The following KIR3DL2 variants were observed in gnomAD, a reference collection of about 807,000 sequenced individuals.
KIR3DL2 encodes the protein killer cell immunoglobulin-like receptor 3DL2.
KIR3DL2 carries 42 observed loss-of-function variants against 41.6 expected under a neutral mutation model. That is an observed-to-expected ratio of 1.01 (90% CI 0.79 to 1.31). The LOEUF is 1.31. KIR3DL2 is among the 50% of genes most tolerant of loss of function. The pLI, the probability that KIR3DL2 is intolerant of heterozygous loss-of-function variation, is 0.00. For missense variants in KIR3DL2, 728 were observed against 576.8 expected, an observed-to-expected ratio of 1.26 and a Z score of -2.68; for synonymous variants, 230 against 221.3, an observed-to-expected ratio of 1.04 and a Z score of -0.35.
chr19:54,851,043 C>G lies in KIR3DL2; in HGVS notation c.35-177C>G, dbSNP rs541749979. Among the ~76,000 whole-genome samples the G allele has an allele frequency of 5.7e-4, 81 of 141,254 alleles. 2 individuals carry two copies. The highest frequency in any genetic ancestry group is 2.0e-3 in the African/African-American group (76 of 37,962). The allele number at this position is 141,254 out of a possible 152,430, so 92.7% of individuals were successfully genotyped here. A position where few individuals can be genotyped will look rare whatever the true frequency, so the allele number is the denominator to read the frequency against. ...TGGGCCAGGAAGTGTTGATCTGGGC[C>G]TGGAGCCTGGGTCTCTCCACAGCTG... On this transcript the variant is annotated intron_variant, in intron 1 of 8. Transcript: ENST00000326321.
chr19:54,866,238 G>T (rs2065503783), intron 7 of KIR3DL2, 132 bp from the exon 8 acceptor site: 2 of 870,464 alleles, frequency 2.3e-6, no homozygotes, highest in Admixed American at 2.3e-5. Context: ...GAGATAGAAT[G>T]TCTGAGTCTG....
intron 4 of KIR3DL2, 113 bp from the exon 5 acceptor site, chr19:54,855,506 G>C: frequency 2.1e-6 from 3 of 1,412,644 alleles, no homozygotes; most frequent in Non-Finnish European, 1.9e-6. Context: ...TGGAGGGTGA[G>C]AGAGAGAGAG....
rs533210002 is a variant in KIR3DL2 at position 54,852,379 on chromosome 19, A to G, written c.355+97A>G. 8.2e-3 allele frequency: 12,183 copies of G among 1,485,088 alleles called. 344 individuals carry two copies. The highest frequency in any genetic ancestry group is 0.064 in the South Asian group (5,424 of 84,308). 92.0% of individuals were successfully genotyped at this position (1,485,088 alleles called of 1,614,324 possible). A position where few individuals can be genotyped will look rare whatever the true frequency, so the allele number is the denominator to read the frequency against. On this transcript the variant is annotated intron_variant, in intron 3 of 8. Transcript: ENST00000326321. ...ATCAGGGTCCCATCACCCAGGCCCCAACTGTATTTGGGGTCAAGGGAGATT... is the reference window on the plus strand; with the variant it reads ...ATCAGGGTCCCATCACCCAGGCCCCGACTGTATTTGGGGTCAAGGGAGATT...
Position 54,852,180 on chromosome 19 carries a change from G to C in KIR3DL2, c.253G>C (p.Val85Leu). ...IFQESFIMGP[V>L]TPAHAGTYRC... is the part of the protein sequence containing the mutation. ...CCAGGAGAGCTTCATCATGGGCCCT[G>C]TGACCCCAGCACATGCAGGGACCTA... The change falls in exon 3 of 9, where the codon GTG becomes CTG. Residue 85 changes from valine to leucine, a missense_variant. By Grantham distance (32) the Val-to-Leu change is conservative. Coordinates refer to ENST00000326321, the MANE Select transcript of KIR3DL2 (RefSeq NM_006737.4). 6.2e-7 allele frequency: 1 copy of C among 1,612,810 alleles called. No individual in the cohort carries two copies. Among genetic ancestry groups the C allele is most frequent in the Non-Finnish European group, 8.5e-7 (1 of 1,179,508 alleles).
intron 6 of KIR3DL2, among the ~76,000 whole-genome samples, chr19:54,861,351 A>G (rs2065166853): frequency 6.6e-6 from 1 of 152,124 alleles, no homozygotes; most frequent in Non-Finnish European, 1.5e-5. Context: ...GACCTAGTAT[A>G]GCATAATATA....
chr19:54,863,684 C>A (rs1435941762), intron 6 of KIR3DL2, among the ~76,000 whole-genome samples: 1 of 151,942 alleles, frequency 6.6e-6, no homozygotes, highest in Non-Finnish European at 1.5e-5. Flanking sequence ...ATGTCCTTTG[C>A]CCACTTTTTG....
intron 3 of KIR3DL2, 91 bp downstream of exon 3, chr19:54,852,373 G>A: frequency 3.9e-6 from 6 of 1,525,228 alleles, no homozygotes; most frequent in Non-Finnish European, 5.3e-6. Context: ...CCATCACCCA[G>A]GCCCCAACTG....
At chr19:54,850,730 T>C (rs1196903636) in intron 1 of KIR3DL2, among the ~76,000 whole-genome samples, 1 of 114,758 alleles carries the variant, frequency 8.7e-6, no homozygotes, top group African/African-American at 3.7e-5. Context: ...GGAGTGGAGA[T>C]ACGGGCCTGG....
At chr19:54,854,091 G>A in intron 4 of KIR3DL2, 45 bp downstream of exon 4, 1 of 1,605,160 alleles carries the variant, frequency 6.2e-7, no homozygotes, top group Non-Finnish European at 8.5e-7. Context: ...GGGACACAGA[G>A]TGAATGATCC....
intron 6 of KIR3DL2, among the ~76,000 whole-genome samples, chr19:54,859,606 G>A (rs1240735377): frequency 1.3e-5 from 2 of 151,742 alleles, no homozygotes; most frequent in Admixed American, 6.6e-5. Flanking sequence ...CGCACACTTC[G>A]ACTCAGTGAC....
At chr19:54,863,812 T>C (rs2145719916) in intron 6 of KIR3DL2, among the ~76,000 whole-genome samples, 1 of 152,202 alleles carries the variant, frequency 6.6e-6, no homozygotes, top group South Asian at 2.1e-4. Context: ...AGGTTGTCTG[T>C]TCACTCTGAT....
chr19:54,850,777 GC>G (rs1379484409), intron 1 of KIR3DL2, among the ~76,000 whole-genome samples: 3 of 111,672 alleles, frequency 2.7e-5, no homozygotes, highest in Admixed American at 8.6e-5. Flanking sequence ...ATATGGGCCT[GC>G]AGGTGGAGAT....
chr19:54,859,122 C>T lies in KIR3DL2; in HGVS notation c.993C>T (p.Ser331=), dbSNP rs2064999371. ...GGCCTTCACCCACAGAACCAAGCTC[C>T]AAATCTGGTGAGTAAAGGACCCCTC... ...SSWPSPTEPS[S]KSGICRHLHV... Residue 331 remains serine (S), a synonymous_variant, in exon 6 of 9, where the codon TCC becomes TCT. Transcript: ENST00000326321. 3.1e-5 allele frequency: 50 copies of T among 1,613,212 alleles called. No individual in the cohort carries two copies. The South Asian group carries it at 5.4e-4, about 17-fold the overall frequency.
chr19:54,850,565 G>T (rs2064098500), intron 1 of KIR3DL2, 56 bp downstream of exon 1: 14 of 1,601,522 alleles, frequency 8.7e-6, no homozygotes, highest in African/African-American at 1.4e-5. Context: ...TCTCGGCCTA[G>T]AGGTAAAGAT....
At chr19:54,859,423 G>A (rs1270668003) in intron 6 of KIR3DL2, among the ~76,000 whole-genome samples, 1 of 152,070 alleles carries the variant, frequency 6.6e-6, no homozygotes, top group Non-Finnish European at 1.5e-5. Context: ...ATTCCTAACT[G>A]GAGGATAAAT....
chr19:54,852,374 G>A (rs1293746816), intron 3 of KIR3DL2, 92 bp downstream of exon 3: 30 of 1,524,548 alleles, frequency 2.0e-5, no homozygotes, highest in Non-Finnish European at 2.6e-5. Context: ...CATCACCCAG[G>A]CCCCAACTGT....
Position 54,854,701 on chromosome 19 carries a change from C to G in KIR3DL2, c.655+655C>G, listed in dbSNP as rs937382421. ...TTCAAAAAGCAAAGGCATAAACACA[C>G]AGAGAATGAGCCAGAGGAAGGGGAT... On this transcript the variant is annotated intron_variant, in intron 4 of 8. Coordinates refer to ENST00000326321, the MANE Select transcript of KIR3DL2 (RefSeq NM_006737.4). Among the ~76,000 whole-genome samples the G allele has an allele frequency of 5.7e-3, 862 of 151,720 alleles. 35 individuals carry two copies. The highest frequency in any genetic ancestry group is 0.02 in the African/African-American group (818 of 41,142).
intron 6 of KIR3DL2, among the ~76,000 whole-genome samples, chr19:54,862,799 CTTCTTT>C (rs2065264271): frequency 5.5e-5 from 4 of 73,010 alleles, no homozygotes; most frequent in African/African-American, 2.4e-4. Context: ...GCCTGGGTTA[CTTCTTT>C]TTTTTTTTTT....
intron 5 of KIR3DL2, among the ~76,000 whole-genome samples, chr19:54,856,291 C>G (rs2064772329): frequency 6.6e-6 from 1 of 151,796 alleles, no homozygotes; most frequent in South Asian, 2.1e-4. Flanking sequence ...CCCCTACACT[C>G]TTTTCTTTTC....
Sources: allele counts gnomAD v4.1 joint callset (sites outside exome capture counted in the v4.1 genomes callset), GRCh38; gene constraint gnomAD v4.1.1; transcripts MANE v1.5; gene names NCBI Gene and HGNC (gene_info 2026-07-23, HGNC 2026-07-21).